CEP70: variants seen among roughly 807,000 people sequenced by gnomAD.
The protein encoded by CEP70 is centrosomal protein 70.
In CEP70, 70 loss-of-function variants were observed where a neutral mutation model predicts 90.9. The observed-to-expected ratio is 0.77, with a 90% CI of 0.64 to 0.94. CEP70 has a LOEUF of 0.94. Ranked by LOEUF, CEP70 falls within the 40% of genes least tolerant of loss-of-function variation. CEP70 has a pLI of 0.00. For missense variants in CEP70, 648 were observed against 669.0 expected, an observed-to-expected ratio of 0.97 and a Z score of 0.35; for synonymous variants, 220 against 228.3, an observed-to-expected ratio of 0.96 and a Z score of 0.33.
chr3:138,571,226 A>G, intron 4 of CEP70, 40 bp downstream of exon 4: 1 of 1,565,676 alleles, frequency 6.4e-7, no homozygotes, highest in Non-Finnish European at 8.7e-7. Context: ...AAGGAAAAAT[A>G]AACTTTTTAC....
At chr3:138,574,696 C>T (rs537229822) in intron 2 of CEP70, among the ~76,000 whole-genome samples, 68 of 152,202 alleles carry the variant, frequency 4.5e-4, no homozygotes, top group African/African-American at 1.5e-3. Context: ...CAGTAGGGCC[C>T]GACTGACACC....
intron 2 of CEP70, among the ~76,000 whole-genome samples, chr3:138,582,967 C>A (rs1287589313): frequency 6.6e-6 from 1 of 151,812 alleles, no homozygotes; most frequent in Non-Finnish European, 1.5e-5. Flanking sequence ...CACAAAACAA[C>A]CAGAAAACAA....
At chr3:138,523,131 T>G (rs2108801639) in intron 11 of CEP70, among the ~76,000 whole-genome samples, 1 of 152,170 alleles carries the variant, frequency 6.6e-6, no homozygotes, top group East Asian at 1.9e-4. Flanking sequence ...AACCATATAA[T>G]TATCTCAATA....
At chr3:138,542,553 T>G (rs2038857536) in intron 6 of CEP70, among the ~76,000 whole-genome samples, 1 of 152,224 alleles carries the variant, frequency 6.6e-6, no homozygotes. Flanking sequence ...TGGGCTGGCC[T>G]GGCCCCACAG....
At position 138,520,233 on chromosome 3, in the gene CEP70, G is replaced by A. The variant is rs531541531; in HGVS notation, c.944+5257C>T. ...ACTTAGACTCCCACACAATAATAAT[G>A]GGAGACTTTAACACCCCACTGTCAA... On this transcript the variant is annotated intron_variant, in intron 11 of 17. Coordinates refer to ENST00000264982, the MANE Select transcript of CEP70 (RefSeq NM_024491.4). Among the ~76,000 whole-genome samples the A allele has an allele frequency of 9.0e-3, 1,362 of 152,126 alleles. 24 individuals carry two copies. The highest frequency in any genetic ancestry group is 0.03 in the African/African-American group (1,237 of 41,476).
intron 6 of CEP70, among the ~76,000 whole-genome samples, chr3:138,544,020 G>C (rs1300800229): frequency 2.0e-5 from 3 of 152,172 alleles, no homozygotes; most frequent in African/African-American, 7.2e-5. Context: ...TCCAGGCACA[G>C]GCTCATGCCT....
chr3:138,513,215 A>G (rs1033986349), intron 11 of CEP70, among the ~76,000 whole-genome samples: 4 of 152,220 alleles, frequency 2.6e-5, no homozygotes, highest in Non-Finnish European at 5.9e-5. Flanking sequence ...AGACAGTTGC[A>G]GTCAAGGACA....
chr3:138,554,839 A>AT (rs1372439922), intron 6 of CEP70, among the ~76,000 whole-genome samples: 1 of 152,106 alleles, frequency 6.6e-6, no homozygotes, highest in Non-Finnish European at 1.5e-5. Flanking sequence ...GATTGTGATG[A>AT]TTTTTTCCCA....
intron 11 of CEP70, among the ~76,000 whole-genome samples, chr3:138,514,403 A>AC: frequency 6.6e-6 from 1 of 152,320 alleles, no homozygotes; most frequent in African/African-American, 2.4e-5. Context: ...ATTGCCTGTA[A>AC]TGTGCATCAC....
chr3:138,592,076 C>A (rs2108297656), intron 1 of CEP70, 120 bp from the exon 2 acceptor site: 1 of 513,926 alleles, frequency 1.9e-6, no homozygotes, highest in East Asian at 3.3e-5. Flanking sequence ...ATAAAGCAGG[C>A]ACAACTGAAA....
intron 13 of CEP70, among the ~76,000 whole-genome samples, chr3:138,503,692 C>T (rs2034719047): frequency 2.0e-5 from 3 of 152,040 alleles, no homozygotes; most frequent in Admixed American, 2.0e-4. Context: ...AATTATAAAG[C>T]GAATTCCTTG....
At chr3:138,541,677 T>A (rs2038780473) in intron 6 of CEP70, among the ~76,000 whole-genome samples, 1 of 152,226 alleles carries the variant, frequency 6.6e-6, no homozygotes. Flanking sequence ...AATATAATTG[T>A]GGTGTGTAAT....
intron 2 of CEP70, among the ~76,000 whole-genome samples, chr3:138,581,652 G>A (rs1352119888): frequency 1.5e-4 from 21 of 138,186 alleles, no homozygotes; most frequent in Non-Finnish European, 3.0e-4. Flanking sequence ...GCAGTGACCC[G>A]AGATCGCACC....
chr3:138,546,791 C>T (rs2039242255), intron 6 of CEP70, among the ~76,000 whole-genome samples: 1 of 151,974 alleles, frequency 6.6e-6, no homozygotes, highest in Non-Finnish European at 1.5e-5. Flanking sequence ...ACACTATCAC[C>T]CTTATTAATA....
chr3:138,518,325 GAT>G (rs1233367956), intron 11 of CEP70, among the ~76,000 whole-genome samples: 4 of 152,202 alleles, frequency 2.6e-5, no homozygotes, highest in Non-Finnish European at 4.4e-5. Context: ...GACAGCTTTG[GAT>G]AGAGTAGTGG....
At chr3:138,580,015 A>T (rs1576929442) in intron 2 of CEP70, among the ~76,000 whole-genome samples, 2 of 152,014 alleles carry the variant, frequency 1.3e-5, no homozygotes, top group Non-Finnish European at 2.9e-5. Flanking sequence ...GCCTGGTAGC[A>T]TTCACCAGCT....
chr3:138,531,217 C>G (rs1024127530), intron 8 of CEP70, among the ~76,000 whole-genome samples: 4 of 152,156 alleles, frequency 2.6e-5, no homozygotes, highest in African/African-American at 9.7e-5. Flanking sequence ...TTCAATACCA[C>G]CACTCCAATG....
At chr3:138,528,559 C>G (rs989769133) in intron 10 of CEP70, among the ~76,000 whole-genome samples, 2 of 152,144 alleles carry the variant, frequency 1.3e-5, no homozygotes, top group African/African-American at 4.8e-5. Context: ...GTTTACTTTT[C>G]AAAGGATGAA....
At chr3:138,517,957 AC>A (rs1193807442) in intron 11 of CEP70, among the ~76,000 whole-genome samples, 2 of 152,162 alleles carry the variant, frequency 1.3e-5, no homozygotes, top group Non-Finnish European at 2.9e-5. Flanking sequence ...GACAGACAGC[AC>A]CTGGAAAATC....
Sources: allele counts gnomAD v4.1 joint callset (sites outside exome capture counted in the v4.1 genomes callset), GRCh38; gene constraint gnomAD v4.1.1; transcripts MANE v1.5; gene names NCBI Gene and HGNC (gene_info 2026-07-23, HGNC 2026-07-21).